NRXN1: variants seen among roughly 807,000 people sequenced by gnomAD.
NRXN1 encodes the protein neurexin-1.
Under a neutral mutation model 150.9 loss-of-function variants are expected in NRXN1, and 39 were observed. That is an observed-to-expected ratio of 0.26 (90% CI 0.20 to 0.34). The LOEUF (loss-of-function observed/expected upper bound fraction) is 0.34, where lower values mean the gene tolerates loss of function less well. Among genes scored for constraint, NRXN1 ranks in the 10% least tolerant of loss-of-function variants. NRXN1 has a pLI of 1.00. For synonymous variants in NRXN1, 924 were observed against 757.0 expected (o/e 1.22, Z -3.62); for missense variants, 1,815 against 1,949.9 (o/e 0.93, Z 1.30).
At chr2:50,496,600 A>C (rs2091639676) in intron 14 of NRXN1, among the ~76,000 whole-genome samples, 1 of 152,170 alleles carries the variant, frequency 6.6e-6, no homozygotes, top group Non-Finnish European at 1.5e-5. Flanking sequence ...TGATCACCTC[A>C]AGAAACATGT....
intron 5 of NRXN1, among the ~76,000 whole-genome samples, chr2:50,757,724 G>A (rs1337350834): frequency 6.6e-6 from 1 of 151,680 alleles, no homozygotes; most frequent in Non-Finnish European, 1.5e-5. Flanking sequence ...CTTTGATTGG[G>A]CATGACCAGG....
At chr2:50,010,684 G>T (rs1685507892) in intron 21 of NRXN1, among the ~76,000 whole-genome samples, 1 of 151,998 alleles carries the variant, frequency 6.6e-6, no homozygotes, top group Admixed American at 6.6e-5. Flanking sequence ...CTTGTTTTTG[G>T]TTACACAGCC....
At chr2:50,311,284 C>A (rs2075158664) in intron 17 of NRXN1, among the ~76,000 whole-genome samples, 1 of 152,124 alleles carries the variant, frequency 6.6e-6, no homozygotes, top group African/African-American at 2.4e-5. Flanking sequence ...CACAGAAAAG[C>A]ATGCATCATA....
intron 12 of NRXN1, among the ~76,000 whole-genome samples, chr2:50,522,555 A>G (rs576515320): frequency 1.3e-5 from 2 of 152,274 alleles, no homozygotes; most frequent in East Asian, 3.9e-4. Flanking sequence ...TCACTAAAAT[A>G]GACCAAAGCA....
intron 5 of NRXN1, among the ~76,000 whole-genome samples, chr2:50,883,251 A>G (rs984886882): frequency 6.6e-6 from 1 of 151,804 alleles, no homozygotes; most frequent in African/African-American, 2.4e-5. Flanking sequence ...TTAGGCATTA[A>G]GGTGTATATA....
intron 12 of NRXN1, among the ~76,000 whole-genome samples, chr2:50,528,221 C>A (rs184906268): frequency 5.7e-4 from 81 of 141,904 alleles, no homozygotes; most frequent in African/African-American, 2.2e-3. Context: ...TAGTAACTCT[C>A]GAAGTAAGAG....
intron 5 of NRXN1, among the ~76,000 whole-genome samples, chr2:50,669,724 C>G (rs1393059086): frequency 1.3e-5 from 2 of 150,938 alleles, no homozygotes; most frequent in Non-Finnish European, 3.0e-5. Flanking sequence ...ATATGGTAAC[C>G]CTCATATATA....
At chr2:50,169,849 C>A (rs562816215) in intron 18 of NRXN1, among the ~76,000 whole-genome samples, 43 of 151,440 alleles carry the variant, frequency 2.8e-4, no homozygotes, top group Middle Eastern at 6.8e-3. Context: ...AACAAACTTA[C>A]ATTGTGTGTT....
At chr2:50,725,620 G>A (rs535065365) in intron 5 of NRXN1, among the ~76,000 whole-genome samples, 2 of 152,040 alleles carry the variant, frequency 1.3e-5, no homozygotes, top group East Asian at 3.9e-4. Context: ...AACATAATCA[G>A]TTAAATGGTA....
intron 5 of NRXN1, among the ~76,000 whole-genome samples, chr2:50,751,085 A>C (rs1168886792): frequency 2.0e-5 from 3 of 151,994 alleles, no homozygotes; most frequent in African/African-American, 4.8e-5. Flanking sequence ...GTCTACCTGA[A>C]GATTCTCTCC....
At chr2:50,968,240 T>C (rs958095247) in intron 2 of NRXN1, among the ~76,000 whole-genome samples, 5 of 152,090 alleles carry the variant, frequency 3.3e-5, no homozygotes, top group African/African-American at 1.2e-4. Flanking sequence ...CAAGAGAATA[T>C]GATCCACATC....
intron 2 of NRXN1, among the ~76,000 whole-genome samples, chr2:50,941,239 C>T (rs999692354): frequency 4.6e-5 from 7 of 152,064 alleles, no homozygotes; most frequent in East Asian, 1.9e-4. Context: ...TATGAATTAC[C>T]GAGTCTCGGG....
chr2:50,308,442 C>T (rs1172278136), intron 17 of NRXN1, among the ~76,000 whole-genome samples: 3 of 152,138 alleles, frequency 2.0e-5, no homozygotes, highest in Non-Finnish European at 4.4e-5. Context: ...GTCTTCCTGC[C>T]TCAGCCTCCC....
At chr2:50,499,820 C>A (rs112609964) in intron 13 of NRXN1, among the ~76,000 whole-genome samples, 1 of 151,472 alleles carries the variant, frequency 6.6e-6, no homozygotes, top group African/African-American at 2.4e-5. Context: ...TGGTGGTGGG[C>A]GCCTGTAATC....
At chr2:50,967,679 T>C (rs1224142321) in intron 2 of NRXN1, among the ~76,000 whole-genome samples, 1 of 152,022 alleles carries the variant, frequency 6.6e-6, no homozygotes, top group Non-Finnish European at 1.5e-5. Flanking sequence ...AGGCTGTAAA[T>C]GGAGAATTCT....
chr2:51,023,048 A>G (rs1669877821), intron 2 of NRXN1, among the ~76,000 whole-genome samples: 3 of 152,166 alleles, frequency 2.0e-5, no homozygotes, highest in Admixed American at 1.3e-4. Context: ...TTCAACACCT[A>G]ACCAAACCCA....
At chr2:49,962,166 T>G (rs1676082524) in intron 21 of NRXN1, among the ~76,000 whole-genome samples, 1 of 152,190 alleles carries the variant, frequency 6.6e-6, no homozygotes, top group Non-Finnish European at 1.5e-5. Flanking sequence ...ATATAATTTG[T>G]AGCTAAATCT....
At chr2:50,477,073 C>T in intron 15 of NRXN1, among the ~76,000 whole-genome samples, 1 of 151,788 alleles carries the variant, frequency 6.6e-6, no homozygotes. Context: ...AATGTGGATG[C>T]CAGACACAGG....
chr2:50,667,645 A>C (rs1273145774), intron 5 of NRXN1, among the ~76,000 whole-genome samples: 2 of 152,000 alleles, frequency 1.3e-5, no homozygotes, highest in African/African-American at 4.8e-5. Flanking sequence ...TGCTCAGCTC[A>C]AAATAGATCT....
Sources: gnomAD v4.1 joint callset for allele counts (sites outside exome capture counted in the v4.1 genomes callset) on GRCh38, gnomAD v4.1.1 for gene constraint, MANE v1.5 for transcripts, NCBI Gene and HGNC (gene_info 2026-07-23, HGNC 2026-07-21) for gene names.